The following RASSF9 variants were observed in gnomAD, a reference collection of about 807,000 sequenced individuals.
RASSF9 encodes the protein ras association domain-containing protein 9.
Under a neutral mutation model 21.4 loss-of-function variants are expected in RASSF9, and 18 were observed. The observed-to-expected ratio is 0.84, with a 90% CI of 0.58 to 1.25. RASSF9 has a LOEUF of 1.25. Ranked by LOEUF, RASSF9 falls within the 50% of genes most tolerant of loss-of-function variation. The pLI, the probability that RASSF9 is intolerant of heterozygous loss-of-function variation, is 0.00. For missense variants in RASSF9, 480 were observed against 503.2 expected, an observed-to-expected ratio of 0.95 and a Z score of 0.44; for synonymous variants, 183 against 179.1, an observed-to-expected ratio of 1.02 and a Z score of -0.18.
rs187508406 is a variant in RASSF9 at position 85,826,135 on chromosome 12, T to C, written c.47+10020A>G. Among the ~76,000 whole-genome samples the C allele has an allele frequency of 9.9e-4, 150 of 152,284 alleles. 2 individuals are homozygous for C. The highest frequency in any genetic ancestry group is 3.3e-3 in the African/African-American group (137 of 41,558). On this transcript the variant is annotated intron_variant, in intron 1 of 1. Coordinates refer to ENST00000361228, the MANE Select transcript of RASSF9 (RefSeq NM_005447.4). ...ACACCAGGTGTTTACTGGTGGAATATTTAGAAACATTCAAATCACACCTTA... is the reference window on the plus strand; with the variant it reads ...ACACCAGGTGTTTACTGGTGGAATACTTAGAAACATTCAAATCACACCTTA...
In RASSF9 at chr12:85,822,043, T is replaced by A. The variant is rs556283418; in HGVS notation, c.47+14112A>T. On this transcript the variant is annotated intron_variant, in intron 1 of 1. Transcript: ENST00000361228. ...CTAAAGTGCCCTTACTGATTGGTAT[T>A]TTGTAAAGAAATATTTCGCAACAAA... Among the ~76,000 whole-genome samples, 3 of 152,262 alleles carry A rather than the reference T, an allele frequency of 2.0e-5. No homozygotes were observed. In the East Asian group the frequency reaches 5.8e-4, roughly 29 times the overall value.
Position 85,802,155 on chromosome 12 carries a change from T to C in RASSF9, c.*2547A>G, listed in dbSNP as rs1383547083. 1.3e-5 allele frequency: 2 copies of C among 152,250 alleles called. No individual in the cohort carries two copies. Among genetic ancestry groups the C allele is most frequent in the African/African-American group, 4.8e-5 (2 of 41,466 alleles). The allele number at this position is 152,250 out of a possible 1,614,324, so 9.4% of individuals were successfully genotyped here. On this transcript the variant is annotated 3_prime_UTR_variant, in exon 2 of 2. Coordinates refer to ENST00000361228, the MANE Select transcript of RASSF9 (RefSeq NM_005447.4). ...CTTCTAGCTGCATATAGCAATTTCATAGTTAACCTGTCAGATTACTCAAGA... is the reference window on the plus strand; with the variant it reads ...CTTCTAGCTGCATATAGCAATTTCACAGTTAACCTGTCAGATTACTCAAGA...
intron 1 of RASSF9, among the ~76,000 whole-genome samples, chr12:85,806,304 C>T (rs1879832817): frequency 6.6e-6 from 1 of 151,048 alleles, no homozygotes; most frequent in South Asian, 2.1e-4. Flanking sequence ...CCCGTCTCGG[C>T]CTCCCAAAGT....
Position 85,835,672 on chromosome 12 carries a change from G to A in RASSF9, c.47+483C>T, listed in dbSNP as rs554731505. Among the ~76,000 whole-genome samples, 7 of 152,230 alleles carry A rather than the reference G, an allele frequency of 4.6e-5. No individual in the cohort carries two copies. The South Asian group carries it at 1.5e-3, about 32-fold the overall frequency. On this transcript the variant is annotated intron_variant, in intron 1 of 1. Transcript: ENST00000361228. ...TCACTCTCAGGGGAGCCAAAGCATT[G>A]TTTCTGAATTGTATCAGCAGTTTTA...
At chr12:85,816,559 G>A (rs926348054) in intron 1 of RASSF9, among the ~76,000 whole-genome samples, 2 of 151,946 alleles carry the variant, frequency 1.3e-5, no homozygotes, top group Non-Finnish European at 2.9e-5. Context: ...TCAGTAGATG[G>A]AAGCTGATTT....
intron 1 of RASSF9, among the ~76,000 whole-genome samples, chr12:85,819,382 T>A (rs1367114578): frequency 6.6e-6 from 1 of 152,072 alleles, no homozygotes; most frequent in African/African-American, 2.4e-5. Flanking sequence ...ATCGTAAAAA[T>A]TAGCAAAATA....
At chr12:85,817,738 T>C (rs1231887574) in intron 1 of RASSF9, among the ~76,000 whole-genome samples, 2 of 152,074 alleles carry the variant, frequency 1.3e-5, no homozygotes, top group Admixed American at 1.3e-4. Context: ...GTGATCTTTA[T>C]ATTCAGAAAA....
At chr12:85,806,335 C>T (rs1879833551) in intron 1 of RASSF9, among the ~76,000 whole-genome samples, 2 of 149,544 alleles carry the variant, frequency 1.3e-5, no homozygotes, top group African/African-American at 4.9e-5. Flanking sequence ...CAGGCGTGAG[C>T]CACTGCGCCT....
In RASSF9 at chr12:85,801,400, C is replaced by A. The variant is rs1023285212; in HGVS notation, c.*3302G>T. On this transcript the variant is annotated 3_prime_UTR_variant, in exon 2 of 2. Coordinates refer to ENST00000361228, the MANE Select transcript of RASSF9 (RefSeq NM_005447.4). ...ATTTACCATCTATAAAACACACACACACACACACAAAAGCTACAAACCTCT... is the reference window on the plus strand; with the variant it reads ...ATTTACCATCTATAAAACACACACAAACACACACAAAAGCTACAAACCTCT... 2 of 152,144 alleles carry A rather than the reference C, an allele frequency of 1.3e-5. No homozygotes were observed. The highest frequency in any genetic ancestry group is 4.8e-5 in the African/African-American group (2 of 41,408). The allele number at this position is 152,144 out of a possible 1,614,324, so 9.4% of individuals were successfully genotyped here.
At chr12:85,830,516 GA>G (rs1880427244) in intron 1 of RASSF9, among the ~76,000 whole-genome samples, 1 of 151,996 alleles carries the variant, frequency 6.6e-6, no homozygotes, top group African/African-American at 2.4e-5. Context: ...ATCTAGGAAG[GA>G]AAAATACAAG....
chr12:85,830,412 C>T (rs1013431634), intron 1 of RASSF9, among the ~76,000 whole-genome samples: 3 of 152,116 alleles, frequency 2.0e-5, no homozygotes, highest in Non-Finnish European at 2.9e-5. Flanking sequence ...ATCCACTTAA[C>T]ATAAATGCAC....
intron 1 of RASSF9, among the ~76,000 whole-genome samples, chr12:85,820,232 C>A (rs915617282): frequency 6.6e-6 from 1 of 152,172 alleles, no homozygotes; most frequent in Admixed American, 6.5e-5. Context: ...ACCAGCCATG[C>A]TCATTTGTTT....
rs774755910 is a variant in RASSF9 at position 85,804,938 on chromosome 12, C to T, written c.1072G>A (p.Glu358Lys). 1 of 1,613,874 alleles carries T rather than the reference C, an allele frequency of 6.2e-7. No homozygotes were observed. The highest frequency in any genetic ancestry group is 8.5e-7 in the Non-Finnish European group (1 of 1,179,804). The change falls in exon 2 of 2, where the codon GAA becomes AAA. Residue 358 changes from glutamate to lysine, a missense_variant. Glu to Lys is a moderately conservative substitution (Grantham distance 56). Coordinates refer to ENST00000361228, the MANE Select transcript of RASSF9 (RefSeq NM_005447.4). ...GAATTGAATTCCTTGGCCAGGAGTT[C>T]ATATTCTTTTGCTTTCATCTGAAGC... ...SLLQMKAKEY[E>K]LLAKEFNSLH...
At chr12:85,823,130 G>T (rs1254988242) in intron 1 of RASSF9, among the ~76,000 whole-genome samples, 2 of 151,292 alleles carry the variant, frequency 1.3e-5, no homozygotes, top group African/African-American at 2.4e-5. Context: ...AACCTGGGAG[G>T]CGGAGCTTGC....
chr12:85,833,416 T>G (rs2136565422), intron 1 of RASSF9, among the ~76,000 whole-genome samples: 1 of 152,016 alleles, frequency 6.6e-6, no homozygotes, highest in Admixed American at 6.5e-5. Context: ...TTCTCCAAGC[T>G]TTATGGTTTG....
At chr12:85,811,234 G>A (rs1879947114) in intron 1 of RASSF9, among the ~76,000 whole-genome samples, 1 of 151,700 alleles carries the variant, frequency 6.6e-6, no homozygotes, top group African/African-American at 2.4e-5. Flanking sequence ...ATAAAGGCAA[G>A]CATTGAGAGA....
chr12:85,820,067 G>C (rs2136558056), intron 1 of RASSF9, among the ~76,000 whole-genome samples: 1 of 152,280 alleles, frequency 6.6e-6, no homozygotes, highest in East Asian at 1.9e-4. Context: ...ATAGCCCTTT[G>C]ATCACATGCA....
At chr12:85,812,294 T>C (rs1174487658) in intron 1 of RASSF9, among the ~76,000 whole-genome samples, 2 of 151,582 alleles carry the variant, frequency 1.3e-5, no homozygotes, top group East Asian at 1.9e-4. Flanking sequence ...ATATTAAATA[T>C]ATCCTAAGGT....
rs750753540 is a variant in RASSF9, at chr12:85,804,572, G to T, written c.*130C>A. 2 of 913,930 alleles carry T rather than the reference G, an allele frequency of 2.2e-6. No homozygotes were observed. The highest frequency in any genetic ancestry group is 3.0e-6 in the Non-Finnish European group (2 of 662,414). The allele number at this position is 913,930 out of a possible 1,614,324, so 56.6% of individuals were successfully genotyped here. On this transcript the variant is annotated 3_prime_UTR_variant, in exon 2 of 2. Coordinates refer to ENST00000361228, the MANE Select transcript of RASSF9 (RefSeq NM_005447.4). ...TCACATCAGAAACAACACATTTCTC[G>T]AGTTTTTATTAACTATTGAATACTA...
Sources: gnomAD v4.1 joint callset for allele counts (sites outside exome capture counted in the v4.1 genomes callset) on GRCh38, gnomAD v4.1.1 for gene constraint, MANE v1.5 for transcripts, NCBI Gene and HGNC (gene_info 2026-07-23, HGNC 2026-07-21) for gene names.